The following KIF5C variants were observed in gnomAD, a reference collection of about 807,000 sequenced individuals.
KIF5C encodes the protein kinesin family member 5C.
KIF5C carries 18 observed loss-of-function variants against 125.2 expected under a neutral mutation model. The ratio of observed to expected loss-of-function variants is 0.14; its 90% CI spans 0.10 to 0.21. KIF5C has a LOEUF of 0.21. Ranked by LOEUF, KIF5C falls within the 10% of genes least tolerant of loss-of-function variation. The pLI is 1.00. For missense variants in KIF5C, 780 were observed against 1,183.8 expected (o/e 0.66, Z 5.01); for synonymous variants, 405 against 434.0 (o/e 0.93, Z 0.83).
At chr2:148,951,252 C>T (rs915795641) in intron 10 of KIF5C, among the ~76,000 whole-genome samples, 1 of 152,060 alleles carries the variant, frequency 6.6e-6, no homozygotes, top group African/African-American at 2.4e-5. Context: ...GAATCTTTAC[C>T]AGCACTGGAG....
chr2:148,882,254 G>A (rs1458606761), intron 1 of KIF5C, among the ~76,000 whole-genome samples: 1 of 152,154 alleles, frequency 6.6e-6, no homozygotes, highest in Non-Finnish European at 1.5e-5. Flanking sequence ...CCTAAACCAC[G>A]CTGAGTTCCA....
chr2:148,989,542 G>A (rs1402359092), intron 15 of KIF5C, among the ~76,000 whole-genome samples: 1 of 152,154 alleles, frequency 6.6e-6, no homozygotes, highest in Non-Finnish European at 1.5e-5. Context: ...TCTACTTTTA[G>A]TTCTTTAAAG....
In KIF5C at chr2:148,998,462, C is replaced by G; in HGVS notation, c.2163C>G (p.Leu721=). 6.4e-7 allele frequency: 1 copy of G among 1,565,216 alleles called. No homozygotes were observed. The highest frequency in any genetic ancestry group is 8.7e-7 in the Non-Finnish European group (1 of 1,154,880). Reference sequence around the variant, plus strand: ...CTCACCAGAAGCAGCTGTCCAGACTCCGAGACGAAATTGAGGAGAAGCAGA... The same window carrying G: ...CTCACCAGAAGCAGCTGTCCAGACTGCGAGACGAAATTGAGGAGAAGCAGA... ...REAHQKQLSR[L]RDEIEEKQKI... Residue 721 remains leucine (L), a synonymous_variant, in exon 19 of 26, where the codon CTC becomes CTG. Coordinates refer to ENST00000435030, the MANE Select transcript of KIF5C (RefSeq NM_004522.3).
intron 10 of KIF5C, among the ~76,000 whole-genome samples, chr2:148,958,495 C>T (rs575855235): frequency 2.0e-5 from 3 of 152,222 alleles, no homozygotes; most frequent in Admixed American, 1.3e-4. Context: ...AGTGCCTGTT[C>T]CAAGTCTTTG....
intron 11 of KIF5C, among the ~76,000 whole-genome samples, chr2:148,966,341 TG>T (rs1396230996): frequency 6.6e-6 from 1 of 151,218 alleles, no homozygotes; most frequent in Non-Finnish European, 1.5e-5. Context: ...TAGCAAAGTG[TG>T]TGTGTGTGTG....
chr2:149,004,907 A>G (rs188683938), intron 21 of KIF5C, among the ~76,000 whole-genome samples: 3 of 152,380 alleles, frequency 2.0e-5, no homozygotes, highest in Non-Finnish European at 4.4e-5. Flanking sequence ...GACTTAAAAC[A>G]AGCAAGTGTG....
chr2:149,008,187 T>TG (rs1682070730), intron 23 of KIF5C, 120 bp downstream of exon 23: 1 of 1,263,386 alleles, frequency 7.9e-7, no homozygotes, highest in Non-Finnish European at 1.0e-6. Flanking sequence ...AACTGTACAC[T>TG]ATCAGAGGAC....
chr2:148,916,519 C>T (rs1681558038), intron 1 of KIF5C, among the ~76,000 whole-genome samples: 1 of 152,120 alleles, frequency 6.6e-6, no homozygotes, highest in Admixed American at 6.5e-5. Context: ...AATAGGATGT[C>T]AAGTTCCTGA....
At chr2:148,923,869 C>T (rs771940372) in intron 2 of KIF5C, among the ~76,000 whole-genome samples, 35 of 152,116 alleles carry the variant, frequency 2.3e-4, no homozygotes, top group South Asian at 4.1e-4. Context: ...TTTCAATGTT[C>T]GGATTTCTCT....
chr2:148,903,953 C>T (rs1345692550), intron 1 of KIF5C, among the ~76,000 whole-genome samples: 1 of 152,042 alleles, frequency 6.6e-6, no homozygotes, highest in Non-Finnish European at 1.5e-5. Flanking sequence ...TTATTTGATT[C>T]TAAGTTACAT....
At chr2:148,888,001 T>A (rs1681594139) in intron 1 of KIF5C, among the ~76,000 whole-genome samples, 1 of 152,072 alleles carries the variant, frequency 6.6e-6, no homozygotes, top group South Asian at 2.1e-4. Flanking sequence ...GGGTCCCCGC[T>A]GAGCACCGCA....
At chr2:148,900,735 T>A (rs574852758) in intron 1 of KIF5C, among the ~76,000 whole-genome samples, 1 of 152,162 alleles carries the variant, frequency 6.6e-6, no homozygotes, top group Non-Finnish European at 1.5e-5. Context: ...TGGAGATGCA[T>A]TGGGGACAAA....
intron 1 of KIF5C, among the ~76,000 whole-genome samples, chr2:148,914,049 CT>C (rs1187649506): frequency 6.6e-6 from 1 of 152,206 alleles, no homozygotes; most frequent in African/African-American, 2.4e-5. Flanking sequence ...CACAGCATTC[CT>C]TACCGCTCAT....
chr2:149,009,479 T>C (rs946861533), intron 23 of KIF5C, among the ~76,000 whole-genome samples: 1 of 152,182 alleles, frequency 6.6e-6, no homozygotes, highest in Admixed American at 6.5e-5. Flanking sequence ...ACTTGTGTTA[T>C]AGATGAGAAA....
chr2:148,918,840 GGAGC>G (rs1324434924), intron 1 of KIF5C, among the ~76,000 whole-genome samples: 1 of 152,238 alleles, frequency 6.6e-6, no homozygotes. Context: ...TTGATAGTTA[GGAGC>G]GAGAATTAAG....
chr2:148,963,681 C>T (rs956361991), intron 11 of KIF5C, among the ~76,000 whole-genome samples: 2 of 152,076 alleles, frequency 1.3e-5, no homozygotes, highest in Non-Finnish European at 2.9e-5. Context: ...AGTTTTATTT[C>T]GGGAATCCTC....
chr2:148,965,224 G>C (rs1382431782), intron 11 of KIF5C, among the ~76,000 whole-genome samples: 1 of 152,044 alleles, frequency 6.6e-6, no homozygotes, highest in Non-Finnish European at 1.5e-5. Context: ...TGAGGGTCTG[G>C]AGCTCAGAGG....
At chr2:148,981,190 TA>T (rs1182473021) in intron 13 of KIF5C, among the ~76,000 whole-genome samples, 164 bp from the exon 14 acceptor site, 3 of 152,246 alleles carry the variant, frequency 2.0e-5, no homozygotes, top group Admixed American at 6.5e-5. Context: ...CTTTTTCTTT[TA>T]TTTTTTTATC....
At position 148,875,575 on chromosome 2, in the gene KIF5C, G is replaced by GCCCCCCCCCCCACCCCCCCCCC; in HGVS notation, c.-37_-36insCCCCCACCCCCCCCCCCCCCCC. On this transcript the variant is annotated 5_prime_UTR_variant, in exon 1 of 26. Transcript: ENST00000435030. ...TCCTCCCTCGTCGTTCCCGGCCCCG[G>GCCCCCCCCCCCACCCCCCCCCC]CCCCCCACCCATCCCCGTGCCCCCT... 1.4e-6 allele frequency: 1 copy of GCCCCCCCCCCCACCCCCCCCCC among 699,606 alleles called. No homozygotes were observed. Among genetic ancestry groups the GCCCCCCCCCCCACCCCCCCCCC allele is most frequent in the Non-Finnish European group, 2.6e-6 (1 of 389,230 alleles). The allele number at this position is 699,606 out of a possible 1,614,324, so 43.3% of individuals were successfully genotyped here.
Sources: allele counts gnomAD v4.1 joint callset (sites outside exome capture counted in the v4.1 genomes callset), GRCh38; gene constraint gnomAD v4.1.1; transcripts MANE v1.5; gene names NCBI Gene and HGNC (gene_info 2026-07-23, HGNC 2026-07-21).